Variants in ANKMY2 observed in about 807,000 individuals in gnomAD.
ANKMY2 encodes ankyrin repeat and MYND domain-containing protein 2.
ANKMY2 carries 36 observed loss-of-function variants against 50.4 expected under a neutral mutation model. That is an observed-to-expected ratio of 0.71 (90% CI 0.55 to 0.94). ANKMY2 has a LOEUF of 0.94. Ranked by LOEUF, ANKMY2 falls within the 40% of genes least tolerant of loss-of-function variation. ANKMY2 has a pLI of 0.00. For synonymous variants in ANKMY2, 187 were observed against 178.8 expected, an observed-to-expected ratio of 1.05 and a Z score of -0.36; for missense variants, 565 against 524.0, an observed-to-expected ratio of 1.08 and a Z score of -0.76.
At position 16,610,631 on chromosome 7, in the gene ANKMY2, T is replaced by C; in HGVS notation, c.664A>G (p.Met222Val). ...RDMNEVLAMK[M>V]HYISCIFQKC... ...TGAAAGATACAGCTTATGTAATGCATCTTCATAGCCAATACTTCATTCATG... is the reference window on the plus strand; with the variant it reads ...TGAAAGATACAGCTTATGTAATGCACCTTCATAGCCAATACTTCATTCATG... The change falls in exon 6 of 10, where the codon ATG becomes GTG. Residue 222 changes from methionine (M) to valine (V), a missense_variant. Coordinates refer to ENST00000306999, the MANE Select transcript of ANKMY2 (RefSeq NM_020319.3). The C allele has an allele frequency of 6.2e-7, 1 of 1,614,028 alleles. No homozygotes were observed. Among genetic ancestry groups the C allele is most frequent in the Non-Finnish European group, 8.5e-7 (1 of 1,179,928 alleles).
In ANKMY2 at chr7:16,645,651, C is replaced by T; in HGVS notation, c.-78G>A. On this transcript the variant is annotated 5_prime_UTR_variant, in exon 1 of 10. Transcript: ENST00000306999. ...AACGATGCGTCTGTATTGGGAACGC[C>T]AGCCGCAATGAGGCAACTTGAGACC... is the stretch of plus-strand genomic sequence containing the variant. 2 of 1,495,356 alleles carry T rather than the reference C, an allele frequency of 1.3e-6. No homozygotes were observed. Among genetic ancestry groups the T allele is most frequent in the Non-Finnish European group, 1.8e-6 (2 of 1,106,272 alleles). 92.6% of individuals were successfully genotyped at this position (1,495,356 alleles called of 1,614,324 possible). A position where few individuals can be genotyped will look rare whatever the true frequency, so the allele number is the denominator to read the frequency against.
intron 1 of ANKMY2, among the ~76,000 whole-genome samples, chr7:16,643,685 C>T (rs1252311151): frequency 3.3e-5 from 5 of 151,842 alleles, no homozygotes. Context: ...CTCTCAAAGA[C>T]TCAATTTATA....
rs924493498 is a variant in ANKMY2 at position 16,625,877 on chromosome 7, C to T, written c.272-796G>A. Among the ~76,000 whole-genome samples, 15 of 151,898 alleles carry T rather than the reference C, an allele frequency of 9.9e-5. No individual in the cohort carries two copies. In the South Asian group the frequency reaches 2.3e-3, roughly 23 times the overall value. The stretch of plus-strand genomic sequence containing the variant: ...CTAATTTGCATTTTTTTGATTACTG[C>T]GCAAAATGTTTTATATTTTGATCAG... On this transcript the variant is annotated intron_variant, in intron 3 of 9. Coordinates refer to ENST00000306999, the MANE Select transcript of ANKMY2 (RefSeq NM_020319.3).
At chr7:16,640,858 C>T (rs1452608456) in intron 1 of ANKMY2, among the ~76,000 whole-genome samples, 4 of 151,740 alleles carry the variant, frequency 2.6e-5, no homozygotes, top group East Asian at 1.9e-4. Context: ...TTGGAAGCCA[C>T]GAAAACGGAT....
At chr7:16,628,502 T>C (rs1437644129) in intron 2 of ANKMY2, among the ~76,000 whole-genome samples, 1 of 145,630 alleles carries the variant, frequency 6.9e-6, no homozygotes, top group East Asian at 2.0e-4. Context: ...GATGGAATAT[T>C]AGTATGCTGG....
At chr7:16,635,508 T>A (rs944559361) in intron 2 of ANKMY2, among the ~76,000 whole-genome samples, 7 of 152,168 alleles carry the variant, frequency 4.6e-5, no homozygotes, top group African/African-American at 1.7e-4. Flanking sequence ...TTATTATATA[T>A]TAATTATACC....
Position 16,621,972 on chromosome 7 carries a change from A to AAAAT in ANKMY2, c.370+3007_370+3010dup, listed in dbSNP as rs545011448. ...TGACAGAGTGAGACTCCATCTCAAA[A>AAAAT]AAATAAATAAATAAATAAATAAATA... On this transcript the variant is annotated intron_variant, in intron 4 of 9. Transcript: ENST00000306999. Among the ~76,000 whole-genome samples, 653 of 151,826 alleles carry AAAAT rather than the reference A, an allele frequency of 4.3e-3. 4 individuals carry two copies. The highest frequency in any genetic ancestry group is 0.013 in the African/African-American group (529 of 41,320).
intron 1 of ANKMY2, among the ~76,000 whole-genome samples, chr7:16,642,776 A>G (rs1036285174): frequency 1.4e-4 from 21 of 152,360 alleles, no homozygotes; most frequent in African/African-American, 5.0e-4. Context: ...TAATGCACAC[A>G]GAACTACAAA....
At chr7:16,628,060 C>T (rs1246436695) in intron 2 of ANKMY2, among the ~76,000 whole-genome samples, 2 of 152,158 alleles carry the variant, frequency 1.3e-5, no homozygotes, top group South Asian at 2.1e-4. Context: ...GCATATTCAA[C>T]AAAACATCCA....
intron 7 of ANKMY2, among the ~76,000 whole-genome samples, chr7:16,605,180 AT>A (rs568903751): frequency 6.7e-4 from 102 of 152,274 alleles, no homozygotes; most frequent in African/African-American, 2.3e-3. Context: ...CCAGAGCAGA[AT>A]TTTTTTCTGA....
chr7:16,613,796 C>T (rs769727827), intron 5 of ANKMY2, among the ~76,000 whole-genome samples: 11 of 151,488 alleles, frequency 7.3e-5, no homozygotes, highest in Admixed American at 2.0e-4. Flanking sequence ...ATTAGCCAGG[C>T]GTGGTGGTGG....
chr7:16,642,462 T>C (rs2128347215), intron 1 of ANKMY2, among the ~76,000 whole-genome samples: 1 of 152,280 alleles, frequency 6.6e-6, no homozygotes, highest in East Asian at 1.9e-4. Flanking sequence ...TTCTAATAAA[T>C]AAAAAGCCCC....
At chr7:16,617,131 G>A (rs1391491176) in intron 4 of ANKMY2, among the ~76,000 whole-genome samples, 1 of 151,692 alleles carries the variant, frequency 6.6e-6, no homozygotes, top group East Asian at 1.9e-4. Context: ...TGTAGATTTT[G>A]TTTTAAGGAA....
At chr7:16,644,105 T>C (rs1755996235) in intron 1 of ANKMY2, among the ~76,000 whole-genome samples, 1 of 152,158 alleles carries the variant, frequency 6.6e-6, no homozygotes, top group African/African-American at 2.4e-5. Context: ...TGTGAATTGA[T>C]CCTTTGTCTC....
chr7:16,632,506 A>G (rs1356233972), intron 2 of ANKMY2, among the ~76,000 whole-genome samples: 1 of 152,232 alleles, frequency 6.6e-6, no homozygotes, highest in African/African-American at 2.4e-5. Context: ...ATCCTAAAAT[A>G]TGCAATATTT....
At chr7:16,633,737 C>G (rs1278565482) in intron 2 of ANKMY2, among the ~76,000 whole-genome samples, 3 of 152,052 alleles carry the variant, frequency 2.0e-5, no homozygotes, top group Non-Finnish European at 2.9e-5. Context: ...TTTTTTTCTG[C>G]TAATATACAG....
intron 4 of ANKMY2, among the ~76,000 whole-genome samples, chr7:16,621,488 G>A (rs973666960): frequency 6.6e-6 from 1 of 152,018 alleles, no homozygotes; most frequent in African/African-American, 2.4e-5. Context: ...GTAATAAATG[G>A]TGCCATCACA....
chr7:16,621,051 G>A (rs939111762), intron 4 of ANKMY2, among the ~76,000 whole-genome samples: 34 of 152,068 alleles, frequency 2.2e-4, no homozygotes, highest in African/African-American at 7.2e-4. Flanking sequence ...TACTTGGCCC[G>A]AAGCAAATTC....
chr7:16,627,509 T>A (rs1467815940), intron 2 of ANKMY2, among the ~76,000 whole-genome samples: 1 of 152,102 alleles, frequency 6.6e-6, no homozygotes, highest in Non-Finnish European at 1.5e-5. Flanking sequence ...AACAAACAGA[T>A]ACAAACATAT....
Sources: allele counts gnomAD v4.1 joint callset (sites outside exome capture counted in the v4.1 genomes callset), GRCh38; gene constraint gnomAD v4.1.1; transcripts MANE v1.5; gene names NCBI Gene and HGNC (gene_info 2026-07-23, HGNC 2026-07-21).